ZNF717: variants seen among roughly 807,000 people sequenced by gnomAD.
The protein encoded by ZNF717 is krueppel-like factor X17.
Under a neutral mutation model 13.8 loss-of-function variants are expected in ZNF717, and 9 were observed. The observed-to-expected ratio is 0.65, with a 90% CI of 0.39 to 1.14. The LOEUF (loss-of-function observed/expected upper bound fraction) is 1.14. Among genes scored for constraint, ZNF717 ranks in the 50% most tolerant of loss-of-function variants. The pLI is 0.01. For missense variants in ZNF717, 1,040 were observed against 1,080.7 expected (o/e 0.96, Z 0.53); for synonymous variants, 327 against 364.1 (o/e 0.90, Z 1.16).
chr3:75,746,515 C>T (rs1941186475), intron 2 of ZNF717, among the ~76,000 whole-genome samples: 2 of 152,130 alleles, frequency 1.3e-5, no homozygotes, highest in African/African-American at 2.4e-5. Context: ...AAAAGTGTTC[C>T]TATTTCTCCA....
At chr3:75,726,032 T>A (rs1938272360), downstream of ZNF717, among the ~76,000 whole-genome samples, 1 of 152,240 alleles carries the variant, frequency 6.6e-6, no homozygotes, top group African/African-American at 2.4e-5. Flanking sequence ...ATGAAACCCA[T>A]CTGTGTTCTT....
At chr3:75,731,057 A>G (rs1404555189), downstream of ZNF717, among the ~76,000 whole-genome samples, 1 of 147,392 alleles carries the variant, frequency 6.8e-6, no homozygotes, top group Non-Finnish European at 1.5e-5. Flanking sequence ...CCTGGTCAAC[A>G]TGGCAAAACC....
chr3:75,744,733 C>T (rs1265792782), intron 2 of ZNF717, among the ~76,000 whole-genome samples: 1 of 152,250 alleles, frequency 6.6e-6, no homozygotes. Flanking sequence ...CAAAACTCCC[C>T]TCCTGCTTCA....
chr3:75,713,483 C>T (rs1937986018), intron 5 of ZNF717, among the ~76,000 whole-genome samples: 2 of 152,046 alleles, frequency 1.3e-5, no homozygotes, highest in Admixed American at 1.3e-4. Context: ...TTGTAGTAAC[C>T]TTAAATTATA....
chr3:75,778,585 G>A (rs746608686), intron 2 of ZNF717, among the ~76,000 whole-genome samples: 1 of 151,228 alleles, frequency 6.6e-6, no homozygotes, highest in Middle Eastern at 3.2e-3. Flanking sequence ...AAAACAATGG[G>A]AGTGACCTGC....
intron 2 of ZNF717, among the ~76,000 whole-genome samples, chr3:75,780,542 C>T (rs1292327437): frequency 6.6e-6 from 1 of 151,754 alleles, no homozygotes; most frequent in Non-Finnish European, 1.5e-5. Flanking sequence ...GCTGGGACTA[C>T]AGGTGCCCAC....
intron 5 of ZNF717, among the ~76,000 whole-genome samples, chr3:75,713,276 C>T (rs1445526316): frequency 6.6e-6 from 1 of 151,920 alleles, no homozygotes; most frequent in Non-Finnish European, 1.5e-5. Context: ...TCAGCCTCCC[C>T]AGTAGCTGGG....
chr3:75,717,647 C>T (rs1938082801), intron 4 of ZNF717, among the ~76,000 whole-genome samples: 1 of 152,124 alleles, frequency 6.6e-6, no homozygotes. Context: ...TCCTGGGAGA[C>T]TACTAAGCAT....
rs1938099255 is a variant in ZNF717, at chr3:75,718,376, C to T, written n.545-1835G>A. On this transcript the variant is annotated intron_variant and non_coding_transcript_variant, in intron 4 of 5. Coordinates refer to the ZNF717 transcript ENST00000491507. Reference sequence around the variant, plus strand: ...TTATACCGTTACGGTCAGTAAGAGACAGGTGGTGATGACGTTGTCAGTTAA... The same window carrying T: ...TTATACCGTTACGGTCAGTAAGAGATAGGTGGTGATGACGTTGTCAGTTAA... Among the ~76,000 whole-genome samples, 3 of 152,248 alleles carry T rather than the reference C, an allele frequency of 2.0e-5. No homozygotes were observed. In the South Asian group the frequency reaches 6.2e-4, roughly 32 times the overall value.
chr3:75,740,946 A>G (rs1940335595), intron 4 of ZNF717, among the ~76,000 whole-genome samples: 1 of 129,146 alleles, frequency 7.7e-6, no homozygotes, highest in African/African-American at 3.1e-5. Flanking sequence ...GGATAAATAA[A>G]TGCATGAATG....
downstream of ZNF717, among the ~76,000 whole-genome samples, chr3:75,731,307 G>C (rs74758859): frequency 3.4e-4 from 44 of 131,262 alleles, no homozygotes; most frequent in Admixed American, 1.7e-3. Flanking sequence ...AACCTGGGAG[G>C]TGGAGGTTGC....
chr3:75,747,272 A>G (rs1941268521), intron 2 of ZNF717, among the ~76,000 whole-genome samples: 1 of 152,156 alleles, frequency 6.6e-6, no homozygotes, highest in South Asian at 2.1e-4. Flanking sequence ...GCCTTGTAGT[A>G]TAGTTTGAAG....
intron 2 of ZNF717, among the ~76,000 whole-genome samples, chr3:75,765,902 A>G (rs1197579782): frequency 6.6e-6 from 1 of 152,194 alleles, no homozygotes; most frequent in African/African-American, 2.4e-5. Flanking sequence ...TGAGCTCAGG[A>G]GTTCAAGACC....
At chr3:75,727,296 A>C (rs4677023), downstream of ZNF717, among the ~76,000 whole-genome samples, 53,843 of 150,348 alleles carry the variant, frequency 0.36, 4,831 homozygotes, top group Admixed American at 0.38. Flanking sequence ...ATATGAAATC[A>C]GTGCACCCTG....
intron 2 of ZNF717, among the ~76,000 whole-genome samples, chr3:75,764,758 G>A (rs1278789149): frequency 6.6e-6 from 1 of 152,074 alleles, no homozygotes; most frequent in Non-Finnish European, 1.5e-5. Context: ...AAAGTAACAA[G>A]TGCAGGTGAA....
intron 2 of ZNF717, among the ~76,000 whole-genome samples, chr3:75,761,835 C>T (rs1381957932): frequency 3.3e-5 from 5 of 152,182 alleles, no homozygotes; most frequent in East Asian, 3.9e-4. Context: ...GTCAGGAGTT[C>T]GTGACCAGCT....
chr3:75,715,055 T>C (rs1365920756), intron 5 of ZNF717, among the ~76,000 whole-genome samples: 3 of 152,228 alleles, frequency 2.0e-5, no homozygotes, highest in Non-Finnish European at 4.4e-5. Context: ...ATTATATTTT[T>C]TGGCAAAATG....
At chr3:75,717,728 G>C (rs2106852318) in intron 4 of ZNF717, among the ~76,000 whole-genome samples, 1 of 152,302 alleles carries the variant, frequency 6.6e-6, no homozygotes, top group South Asian at 2.1e-4. Context: ...GCAACTTCTA[G>C]CGTCAGTGCA....
At chr3:75,730,916 CAG>C (rs2106905411), downstream of ZNF717, among the ~76,000 whole-genome samples, 1 of 152,324 alleles carries the variant, frequency 6.6e-6, no homozygotes, top group African/African-American at 2.4e-5. Flanking sequence ...GTCTTAGAAA[CAG>C]ATTCCAGGTT....
Sources: gnomAD v4.1 joint callset for allele counts (sites outside exome capture counted in the v4.1 genomes callset) on GRCh38, gnomAD v4.1.1 for gene constraint, MANE v1.5 for transcripts, NCBI Gene and HGNC (gene_info 2026-07-23, HGNC 2026-07-21) for gene names.